RANBP9: variants seen among roughly 807,000 people sequenced by gnomAD.
The protein encoded by RANBP9 is RAN binding protein 9, also known as ran-binding protein 9.
A neutral mutation model predicts 84.3 loss-of-function variants in RANBP9; 15 were observed. That is an observed-to-expected ratio of 0.18 (90% CI 0.12 to 0.27). The LOEUF is 0.27. Ranked by LOEUF, RANBP9 falls within the 10% of genes least tolerant of loss-of-function variation. RANBP9 has a pLI of 1.00. For missense variants in RANBP9, 809 were observed against 912.8 expected (o/e 0.89, Z 1.46); for synonymous variants, 392 against 349.6 (o/e 1.12, Z -1.35).
At chr6:13,657,619 G>T (rs534625395) in intron 3 of RANBP9, among the ~76,000 whole-genome samples, 1 of 152,222 alleles carries the variant, frequency 6.6e-6, no homozygotes, top group East Asian at 1.9e-4. Flanking sequence ...TTGATTTAAA[G>T]AAACACATAC....
At chr6:13,698,762 G>T (rs191066267) in intron 1 of RANBP9, among the ~76,000 whole-genome samples, 15 of 152,250 alleles carry the variant, frequency 9.9e-5, no homozygotes, top group African/African-American at 3.1e-4. Context: ...TCATTTCACA[G>T]TTGAGGAATC....
chr6:13,674,600 G>A (rs767443133), intron 2 of RANBP9, among the ~76,000 whole-genome samples: 1 of 152,170 alleles, frequency 6.6e-6, no homozygotes, highest in Admixed American at 6.5e-5. Flanking sequence ...AAGGAATGCT[G>A]AGGGCAGCCA....
chr6:13,687,111 G>C (rs1341691243), intron 2 of RANBP9, among the ~76,000 whole-genome samples: 1 of 152,068 alleles, frequency 6.6e-6, no homozygotes, highest in Non-Finnish European at 1.5e-5. Context: ...GGTGTTTCAG[G>C]TGTCCACCCT....
intron 2 of RANBP9, among the ~76,000 whole-genome samples, chr6:13,662,941 G>A (rs1472920606): frequency 6.6e-6 from 1 of 152,060 alleles, no homozygotes; most frequent in Non-Finnish European, 1.5e-5. Context: ...GGGGTATGGG[G>A]GGAAAGAGTC....
chr6:13,633,600 A>G (rs1318578697), intron 11 of RANBP9, among the ~76,000 whole-genome samples: 1 of 152,220 alleles, frequency 6.6e-6, no homozygotes, highest in African/African-American at 2.4e-5. Flanking sequence ...TTTTGCAGAA[A>G]TCAAATCTAT....
rs1765088514 is a variant in RANBP9 at position 13,642,387 on chromosome 6, T to C, written c.1225+92A>G. The C allele has an allele frequency of 7.2e-6, 4 of 553,554 alleles. No individual in the cohort carries two copies. In the Admixed American group the frequency reaches 1.7e-4, roughly 24 times the overall value. 34.3% of individuals were successfully genotyped at this position (553,554 alleles called of 1,614,324 possible). ...ATTTTAAATTAATATATTTGAAATTTTTTTAATTAAAAAAACAAAATTTCT... is the reference window on the plus strand; with the variant it reads ...ATTTTAAATTAATATATTTGAAATTCTTTTAATTAAAAAAACAAAATTTCT... On this transcript the variant is annotated intron_variant, in intron 7 of 13. Transcript: ENST00000011619.
At chr6:13,698,369 A>T (rs1757892567) in intron 1 of RANBP9, among the ~76,000 whole-genome samples, 1 of 152,240 alleles carries the variant, frequency 6.6e-6, no homozygotes, top group African/African-American at 2.4e-5. Context: ...CAGAAAAGAA[A>T]CAATTGCACA....
chr6:13,710,193 G>C (rs984116324), intron 1 of RANBP9, among the ~76,000 whole-genome samples: 2 of 152,118 alleles, frequency 1.3e-5, no homozygotes, highest in South Asian at 4.1e-4. Context: ...CAAAACATAA[G>C]CCAATTTTCT....
intron 1 of RANBP9, 96 bp downstream of exon 1, chr6:13,710,839 G>C (rs560344695): frequency 7.4e-7 from 1 of 1,356,846 alleles, no homozygotes; most frequent in Non-Finnish European, 9.9e-7. Context: ...CAGAGCCCGC[G>C]AGGGCGGGGG....
intron 5 of RANBP9, among the ~76,000 whole-genome samples, chr6:13,646,516 A>G (rs1445153678): frequency 6.6e-6 from 1 of 152,206 alleles, no homozygotes; most frequent in Admixed American, 6.5e-5. Context: ...AATTGAGTGA[A>G]AGACAATTCT....
At chr6:13,638,906 C>T (rs1048099358) in intron 9 of RANBP9, among the ~76,000 whole-genome samples, 8 of 152,074 alleles carry the variant, frequency 5.3e-5, no homozygotes, top group Non-Finnish European at 1.2e-4. Context: ...ATGTGGTAAC[C>T]AGTGGCATAA....
intron 7 of RANBP9, among the ~76,000 whole-genome samples, chr6:13,641,584 C>G (rs1584918009): frequency 1.3e-5 from 2 of 151,930 alleles, no homozygotes; most frequent in Non-Finnish European, 2.9e-5. Context: ...ATTGAAGTTT[C>G]AAACACTGAG....
chr6:13,642,501 TA>T lies in RANBP9; in HGVS notation c.1202del (p.Leu401Ter). ...TACTTTGTCTATTCTTAATGGAAGCTAATTCTTCTAGAACGGTCTGGTCTGT... is the reference window on the plus strand; with the variant it reads ...TACTTTGTCTATTCTTAATGGAAGCTATTCTTCTAGAACGGTCTGGTCTGT... ...RSTDQTVLEE[L>X]ASIKNRQRIQ... On this transcript the variant is annotated frameshift_variant, in exon 7 of 14. Coordinates refer to ENST00000011619, the MANE Select transcript of RANBP9 (RefSeq NM_005493.3). LOFTEE classifies it high-confidence loss of function. The T allele has an allele frequency of 6.3e-7, 1 of 1,599,632 alleles. No individual in the cohort carries two copies. The highest frequency in any genetic ancestry group is 8.5e-7 in the Non-Finnish European group (1 of 1,170,414).
chr6:13,686,034 T>C (rs1404695845), intron 2 of RANBP9, among the ~76,000 whole-genome samples: 1 of 149,440 alleles, frequency 6.7e-6, no homozygotes, highest in Non-Finnish European at 1.5e-5. Context: ...ACAAAAATCA[T>C]GGTTTAGTTT....
At chr6:13,628,651 A>G (rs1436339192) in intron 12 of RANBP9, among the ~76,000 whole-genome samples, 1 of 152,220 alleles carries the variant, frequency 6.6e-6, no homozygotes, top group Non-Finnish European at 1.5e-5. Flanking sequence ...TATACCATCA[A>G]ACTCCCAGTC....
At chr6:13,689,868 T>G (rs1186950347) in intron 2 of RANBP9, among the ~76,000 whole-genome samples, 1 of 152,180 alleles carries the variant, frequency 6.6e-6, no homozygotes, top group African/African-American at 2.4e-5. Flanking sequence ...TCTTAAGAGT[T>G]GCATATTTCT....
chr6:13,711,392 G>C lies in RANBP9; in HGVS notation c.114C>G (p.Pro38=). 8.5e-7 allele frequency: 1 copy of C among 1,179,058 alleles called. No individual in the cohort carries two copies. The highest frequency in any genetic ancestry group is 1.6e-5 in the African/African-American group (1 of 62,176). The allele number at this position is 1,179,058 out of a possible 1,614,324, so 73.0% of individuals were successfully genotyped here. Residue 38 remains proline, a synonymous_variant, in exon 1 of 14, where the codon CCC becomes CCG. Coordinates refer to ENST00000011619, the MANE Select transcript of RANBP9 (RefSeq NM_005493.3). Reference sequence around the variant, plus strand: ...GAGAAGAGCCGGCGCTGACGGCCGGGGGCGCCGGCAGGACGACTCCGGAGA... The same window carrying C: ...GAGAAGAGCCGGCGCTGACGGCCGGCGGCGCCGGCAGGACGACTCCGGAGA... ...APVSGVVLPA[P]PAVSAGSSPA... is the part of the protein sequence containing the mutation.
intron 2 of RANBP9, among the ~76,000 whole-genome samples, chr6:13,661,691 ATAG>A (rs1489405486): frequency 2.6e-5 from 4 of 152,216 alleles, no homozygotes; most frequent in African/African-American, 9.6e-5. Context: ...GATAATTTAG[ATAG>A]TAATTTTCCA....
At chr6:13,671,295 C>A (rs990805787) in intron 2 of RANBP9, among the ~76,000 whole-genome samples, 2 of 152,184 alleles carry the variant, frequency 1.3e-5, no homozygotes, top group Admixed American at 6.5e-5. Context: ...AGAAATTACA[C>A]TCCCATTTTC....
Sources: gnomAD v4.1 joint callset for allele counts (sites outside exome capture counted in the v4.1 genomes callset) on GRCh38, gnomAD v4.1.1 for gene constraint, MANE v1.5 for transcripts, NCBI Gene and HGNC (gene_info 2026-07-23, HGNC 2026-07-21) for gene names.